Variants in SLC4A1 observed in about 807,000 individuals in gnomAD.
SLC4A1 encodes the protein band 3 anion transport protein.
Under a neutral mutation model 93.1 loss-of-function variants are expected in SLC4A1, and 29 were observed. The observed-to-expected ratio is 0.31, with a 90% CI of 0.23 to 0.42. The LOEUF (loss-of-function observed/expected upper bound fraction) is 0.42, where lower values mean the gene tolerates loss of function less well. Ranked by LOEUF, SLC4A1 falls within the 20% of genes least tolerant of loss-of-function variation. The pLI is 1.00. For missense variants in SLC4A1, 965 were observed against 1,190.1 expected (o/e 0.81, Z 2.78); for synonymous variants, 469 against 497.2 (o/e 0.94, Z 0.76).
intron 17 of SLC4A1, 73 bp downstream of exon 17, chr17:44,253,045 A>T (rs1360449131): frequency 1.9e-6 from 3 of 1,544,040 alleles, no homozygotes; most frequent in Non-Finnish European, 2.7e-6. Context: ...GGGTCCGAAC[A>T]GAAAGGGGAA....
intron 11 of SLC4A1, 79 bp downstream of exon 11, chr17:44,257,907 G>A: frequency 6.2e-7 from 1 of 1,606,520 alleles, no homozygotes; most frequent in Non-Finnish European, 8.5e-7. Context: ...TGGAGGGTCA[G>A]ACAGAGTCAG....
At chr17:44,261,935 G>C (rs2074106) in intron 3 of SLC4A1, 16 of 1,141,488 alleles carry the variant, frequency 1.4e-5, no homozygotes, top group Non-Finnish European at 1.7e-5. Context: ...CCAAGGTGAC[G>C]GCAGAGCCCT....
chr17:44,254,464 C>CCA, intron 16 of SLC4A1, 32 bp downstream of exon 16: 62 of 1,350,350 alleles, frequency 4.6e-5, no homozygotes, highest in Non-Finnish European at 5.6e-5. Flanking sequence ...GCCTCCCACC[C>CCA]TCCCAGGCCC....
In SLC4A1 at chr17:44,249,013, C is replaced by T. The variant is rs1351438248; in HGVS notation, c.*1445G>A. The stretch of plus-strand genomic sequence containing the variant: ...TAGCTGGGATTACAGGTGCCTGCCA[C>T]GAGACACCCAGCTAATTTTTGTATT... On this transcript the variant is annotated 3_prime_UTR_variant, in exon 20 of 20. Coordinates refer to ENST00000262418, the MANE Select transcript of SLC4A1 (RefSeq NM_000342.4). 7 of 347,118 alleles carry T rather than the reference C, an allele frequency of 2.0e-5. No homozygotes were observed. Among genetic ancestry groups the T allele is most frequent in the African/African-American group, 4.4e-5 (2 of 45,480 alleles). 21.5% of individuals were successfully genotyped at this position (347,118 alleles called of 1,614,324 possible). A position where few individuals can be genotyped will look rare whatever the true frequency, so the allele number is the denominator to read the frequency against.
chr17:44,257,839 C>A (rs1401177941), intron 11 of SLC4A1, 32 bp from the exon 12 acceptor site: 1 of 1,612,758 alleles, frequency 6.2e-7, no homozygotes, highest in Non-Finnish European at 8.5e-7. Flanking sequence ...GGATCAAGGT[C>A]AGGAGATCAT....
intron 1 of SLC4A1, among the ~76,000 whole-genome samples, chr17:44,265,018 G>T (rs1207581471): frequency 7.7e-6 from 1 of 129,986 alleles, no homozygotes; most frequent in East Asian, 2.3e-4. Flanking sequence ...TGGGGAGGGG[G>T]TGCTGAGCAC....
chr17:44,255,658 G>A lies in SLC4A1; in HGVS notation c.1800+15C>T, dbSNP rs985141150. 7 of 1,612,876 alleles carry A rather than the reference G, an allele frequency of 4.3e-6. No individual in the cohort carries two copies. The African/African-American group carries it at 8.0e-5, about 18-fold the overall frequency. ...GGGCAGTGTTGGCAAGGACAGGCGAGGAGGGTATGCTGACCTTGCCAGGGA... is the reference window on the plus strand; with the variant it reads ...GGGCAGTGTTGGCAAGGACAGGCGAAGAGGGTATGCTGACCTTGCCAGGGA... On this transcript the variant is annotated intron_variant, in intron 14 of 19. Coordinates refer to ENST00000262418, the MANE Select transcript of SLC4A1 (RefSeq NM_000342.4).
At position 44,259,538 on chromosome 17, in the gene SLC4A1, T is replaced by C; in HGVS notation, c.653A>G (p.Glu218Gly). 1 of 1,614,108 alleles carries C rather than the reference T, an allele frequency of 6.2e-7. No individual in the cohort carries two copies. The highest frequency in any genetic ancestry group is 8.5e-7 in the Non-Finnish European group (1 of 1,179,992). ...TEGHSPSGIL[E>G]KIPPDSEATL... ...GGCCTCTGAATCCGGGGGAATCTTT[T>C]CCAGAATTCCAGATGGTGAGTGCCC... Residue 218 changes from glutamate (E) to glycine (G), a missense_variant, in exon 8 of 20, where the codon GAA (glutamate) becomes GGA (glycine). Physicochemically the swap from Glu to Gly is moderately conservative, Grantham distance 98 (BLOSUM62 -2). Transcript: ENST00000262418.
chr17:44,251,043 G>A (rs2047333803), intron 19 of SLC4A1, 116 bp downstream of exon 19: 1 of 1,170,306 alleles, frequency 8.5e-7, no homozygotes, highest in African/African-American at 1.5e-5. Flanking sequence ...GCCAGAACCT[G>A]GACACCAGCC....
chr17:44,259,974 GGCTGA>G, intron 6 of SLC4A1, 42 bp from the exon 7 acceptor site: 1 of 1,610,612 alleles, frequency 6.2e-7, no homozygotes, highest in Non-Finnish European at 8.5e-7. Context: ...AAGCTGTTCA[GGCTGA>G]GCTATCAGTG....
intron 1 of SLC4A1, among the ~76,000 whole-genome samples, chr17:44,265,405 T>A (rs559568922): frequency 4.6e-5 from 7 of 152,150 alleles, no homozygotes; most frequent in African/African-American, 1.7e-4. Flanking sequence ...AGTCTTGCTC[T>A]CTCTCCCAGT....
intron 6 of SLC4A1, 144 bp from the exon 7 acceptor site, chr17:44,260,076 C>A: frequency 9.2e-7 from 1 of 1,089,006 alleles, no homozygotes; most frequent in Non-Finnish European, 1.4e-6. Flanking sequence ...ACCAGAGAGA[C>A]CCTGGGATGG....
chr17:44,254,390 G>A (rs1014469697), intron 16 of SLC4A1, 106 bp downstream of exon 16: 16 of 1,067,874 alleles, frequency 1.5e-5, no homozygotes, highest in South Asian at 1.3e-4. Flanking sequence ...CCACACACCC[G>A]CAGGGACTAG....
intron 7 of SLC4A1, 28 bp downstream of exon 7, chr17:44,259,781 C>T (rs2047425525): frequency 6.2e-7 from 1 of 1,613,618 alleles, no homozygotes; most frequent in Non-Finnish European, 8.5e-7. Context: ...CCACCCTGAC[C>T]CTGACCCTGA....
In SLC4A1 at chr17:44,255,666, T is replaced by C; in HGVS notation, c.1800+7A>G. On this transcript the variant is annotated splice_region_variant and intron_variant, in intron 14 of 19. Coordinates refer to ENST00000262418, the MANE Select transcript of SLC4A1 (RefSeq NM_000342.4). ...TTGGCAAGGACAGGCGAGGAGGGTA[T>C]GCTGACCTTGCCAGGGAAATAGGAG... The C allele has an allele frequency of 6.2e-7, 1 of 1,613,560 alleles. No homozygotes were observed. Among genetic ancestry groups the C allele is most frequent in the Non-Finnish European group, 8.5e-7 (1 of 1,179,908 alleles).
Position 44,260,720 on chromosome 17 carries a change from C to T in SLC4A1, c.264G>A (p.Leu88=). 6.2e-7 allele frequency: 1 copy of T among 1,614,202 alleles called. No homozygotes were observed. The highest frequency in any genetic ancestry group is 8.5e-7 in the Non-Finnish European group (1 of 1,180,026). ...AARWVQLEEN[L]GENGAWGRPH... ...GGCGGCCCCAGGCCCCATTCTCCCC[C>T]AGGTTCTCCTCCAGTTGCACCCAGC... The change falls in exon 5 of 20, where the codon CTG becomes CTA. Residue 88 remains leucine (L), a synonymous_variant. Coordinates refer to ENST00000262418, the MANE Select transcript of SLC4A1 (RefSeq NM_000342.4).
Position 44,249,336 on chromosome 17 carries a change from G to T in SLC4A1, c.*1122C>A. 1 of 339,662 alleles carries T rather than the reference G, an allele frequency of 2.9e-6. No homozygotes were observed. The highest frequency in any genetic ancestry group is 2.2e-5 in the South Asian group (1 of 45,480). The allele number at this position is 339,662 out of a possible 1,614,324, so 21.0% of individuals were successfully genotyped here. A position where few individuals can be genotyped will look rare whatever the true frequency, so the allele number is the denominator to read the frequency against. On this transcript the variant is annotated 3_prime_UTR_variant, in exon 20 of 20. Coordinates refer to ENST00000262418, the MANE Select transcript of SLC4A1 (RefSeq NM_000342.4). ...AGATCTGGGTTCTCCCCAAGATTCAGTTTAGATGGAGTTGAGGATAATGGC... is the reference window on the plus strand; with the variant it reads ...AGATCTGGGTTCTCCCCAAGATTCATTTTAGATGGAGTTGAGGATAATGGC...
chr17:44,262,773 C>G, intron 2 of SLC4A1, 47 bp from the exon 3 acceptor site: 1 of 1,608,654 alleles, frequency 6.2e-7, no homozygotes, highest in Non-Finnish European at 8.5e-7. Flanking sequence ...GCTCTTCCAC[C>G]CCCAACGAAG....
rs1416695163 is a variant in SLC4A1 at position 44,267,367 on chromosome 17, C to A, written c.-69+687G>T. On this transcript the variant is annotated intron_variant, in intron 1 of 19. Coordinates refer to ENST00000262418, the MANE Select transcript of SLC4A1 (RefSeq NM_000342.4). ...GCCCATCTCATAGACCTGTTGTAAG[C>A]ATTAAGGAAATTTACATTTGTAAGG... Among the ~76,000 whole-genome samples the A allele has an allele frequency of 3.3e-5, 5 of 152,300 alleles. No individual in the cohort carries two copies. The East Asian group carries it at 9.7e-4, about 29-fold the overall frequency.
Sources: gnomAD v4.1 joint callset for allele counts (sites outside exome capture counted in the v4.1 genomes callset) on GRCh38, gnomAD v4.1.1 for gene constraint, MANE v1.5 for transcripts, NCBI Gene and HGNC (gene_info 2026-07-23, HGNC 2026-07-21) for gene names.